The following CPA5 variants were observed in gnomAD, a reference collection of about 807,000 sequenced individuals.
CPA5 encodes testicular tissue protein Li 32.
Under a neutral mutation model 52.2 loss-of-function variants are expected in CPA5, and 38 were observed. The ratio of observed to expected loss-of-function variants is 0.73; its 90% CI spans 0.56 to 0.95. CPA5 has a LOEUF of 0.95. Ranked by LOEUF, CPA5 falls within the 40% of genes least tolerant of loss-of-function variation. CPA5 has a pLI of 0.00. For synonymous variants in CPA5, 198 were observed against 213.7 expected, an observed-to-expected ratio of 0.93 and a Z score of 0.64; for missense variants, 519 against 566.7, an observed-to-expected ratio of 0.92 and a Z score of 0.86.
At chr7:130,354,072 C>G (rs78221188) in intron 5 of CPA5, among the ~76,000 whole-genome samples, 2 of 151,516 alleles carry the variant, frequency 1.3e-5, no homozygotes, top group Non-Finnish European at 2.9e-5. Context: ...GGACTACAGG[C>G]CCATGTCACC....
intron 10 of CPA5, among the ~76,000 whole-genome samples, chr7:130,365,809 C>T (rs1796048907): frequency 6.6e-6 from 1 of 152,250 alleles, no homozygotes; most frequent in South Asian, 2.1e-4. Flanking sequence ...CTTCAACCTC[C>T]CCCCGCTCTG....
At chr7:130,360,742 C>A (rs1449764222) in intron 6 of CPA5, among the ~76,000 whole-genome samples, 1 of 152,080 alleles carries the variant, frequency 6.6e-6, no homozygotes, top group Admixed American at 6.5e-5. Context: ...CTAAAAGGAG[C>A]GAGAAGATAA....
intron 5 of CPA5, among the ~76,000 whole-genome samples, chr7:130,350,380 G>C (rs1359446919): frequency 8.5e-5 from 13 of 152,166 alleles, no homozygotes; most frequent in African/African-American, 3.1e-4. Context: ...CTAATAAACA[G>C]CAAAGGTGCG....
Position 130,346,380 on chromosome 7 carries a change from T to G in CPA5, c.-93-13T>G. ...ATGCTGGGTGCCCCAGACAGCCTAA[T>G]GCTCTTTCTCAGGCTGGGCTTTCCA... is the stretch of plus-strand genomic sequence containing the variant. On this transcript the variant is annotated splice_polypyrimidine_tract_variant and intron_variant, in intron 2 of 12. Transcript: ENST00000474905. 1 of 791,458 alleles carries G rather than the reference T, an allele frequency of 1.3e-6. No homozygotes were observed. Among genetic ancestry groups the G allele is most frequent in the Non-Finnish European group, 2.0e-6 (1 of 493,246 alleles). The allele number at this position is 791,458 out of a possible 1,614,324, so 49.0% of individuals were successfully genotyped here.
At chr7:130,370,622 G>A (rs1796286341), downstream of CPA5, among the ~76,000 whole-genome samples, 1 of 152,118 alleles carries the variant, frequency 6.6e-6, no homozygotes, top group Non-Finnish European at 1.5e-5. Flanking sequence ...GCCATACAAG[G>A]CCACAATGGA....
Position 130,368,051 on chromosome 7 carries a change from G to T in CPA5, c.1123+61G>T, listed in dbSNP as rs1796198233. 2.7e-6 allele frequency: 4 copies of T among 1,469,028 alleles called. No homozygotes were observed. The Admixed American group carries it at 6.7e-5, about 25-fold the overall frequency. 91.0% of individuals were successfully genotyped at this position (1,469,028 alleles called of 1,614,324 possible). ...ACATCTACCTGGGGCTGGCTGCAGG[G>T]CAGTGCCAAGGATCTAGCTGTGCTG... On this transcript the variant is annotated intron_variant, in intron 12 of 12. Coordinates refer to ENST00000474905, the MANE Select transcript of CPA5 (RefSeq NM_080385.5).
At position 130,347,637 on chromosome 7, in the gene CPA5, T is replaced by G. The variant is rs118057513; in HGVS notation, c.117-129T>G. The G allele has an allele frequency of 4.3e-3, 2,986 of 697,554 alleles. 54 individuals are homozygous for G. The East Asian group carries it at 0.044, about 10-fold the overall frequency. The allele number at this position is 697,554 out of a possible 1,614,324, so 43.2% of individuals were successfully genotyped here. ...TCAGGGCTCCTTCAGCCTCCACTCA[T>G]GCGGTGCCTCCTGGCCTCCCCGCCT... On this transcript the variant is annotated intron_variant, in intron 3 of 12. Transcript: ENST00000474905.
intron 5 of CPA5, among the ~76,000 whole-genome samples, chr7:130,358,078 C>T (rs1554405675): frequency 6.6e-6 from 1 of 151,862 alleles, no homozygotes; most frequent in Non-Finnish European, 1.5e-5. Context: ...TCACTCTAGC[C>T]TCCAACTCCC....
At chr7:130,364,866 AC>A (rs1461335416) in intron 10 of CPA5, among the ~76,000 whole-genome samples, 1 of 152,148 alleles carries the variant, frequency 6.6e-6, no homozygotes, top group Non-Finnish European at 1.5e-5. Context: ...AGGTCCATGG[AC>A]CCTGGAAATA....
At chr7:130,346,633 C>A (rs376798873) in intron 3 of CPA5, 32 bp downstream of exon 3, 5 of 1,573,114 alleles carry the variant, frequency 3.2e-6, no homozygotes, top group African/African-American at 1.3e-5. Flanking sequence ...GGAGGGAGGA[C>A]TGGCTGGGAG....
chr7:130,372,069 C>G (rs1484525217), downstream of CPA5, among the ~76,000 whole-genome samples: 2 of 152,240 alleles, frequency 1.3e-5, no homozygotes, highest in Admixed American at 6.5e-5. Context: ...CTTCAATATC[C>G]TTCCTCACAA....
intron 10 of CPA5, among the ~76,000 whole-genome samples, chr7:130,365,883 C>A (rs1044623174): frequency 6.6e-6 from 1 of 152,230 alleles, no homozygotes; most frequent in Non-Finnish European, 1.5e-5. Flanking sequence ...GCAGACATAA[C>A]AAACAAGGCC....
chr7:130,360,817 G>A (rs1213599631), intron 6 of CPA5, among the ~76,000 whole-genome samples: 1 of 152,198 alleles, frequency 6.6e-6, no homozygotes, highest in Non-Finnish European at 1.5e-5. Context: ...ATGGAGACAA[G>A]AGAGAATTTC....
At chr7:130,353,927 T>C (rs1673098892) in intron 5 of CPA5, among the ~76,000 whole-genome samples, 1 of 152,220 alleles carries the variant, frequency 6.6e-6, no homozygotes, top group Admixed American at 6.5e-5. Context: ...CATTTTATTG[T>C]ATTTATTTAT....
rs782542792 is a variant in CPA5 at position 130,367,332 on chromosome 7, T to C, written c.839-40T>C. The C allele has an allele frequency of 1.1e-5, 17 of 1,582,122 alleles. No individual in the cohort carries two copies. The South Asian group carries it at 1.9e-4, about 18-fold the overall frequency. On this transcript the variant is annotated intron_variant, in intron 10 of 12. Transcript: ENST00000474905. ...TTGTGAGCACCGTCTGTGTCGCACG[T>C]GGGGATTTGACTCTTTGGGTGGCTT...
intron 7 of CPA5, among the ~76,000 whole-genome samples, chr7:130,361,621 T>C (rs1015751799): frequency 1.1e-4 from 16 of 152,182 alleles, no homozygotes; most frequent in Admixed American, 6.5e-5. Flanking sequence ...CATTTGCTAA[T>C]GAGGTCATCT....
intron 11 of CPA5, 37 bp downstream of exon 11, chr7:130,367,608 C>G (rs782772660): frequency 2.6e-5 from 41 of 1,563,046 alleles, no homozygotes; most frequent in Non-Finnish European, 3.3e-5. Flanking sequence ...GAGAAGAGAC[C>G]GCTTCACAGG....
Position 130,363,401 on chromosome 7 carries a change from T to G in CPA5, c.748-18T>G. ...AATGGGCCCAGTGAATGAGGTCACCTGTCCTGGGCTTTCCCAGAACCGCTT... is the reference window on the plus strand; with the variant it reads ...AATGGGCCCAGTGAATGAGGTCACCGGTCCTGGGCTTTCCCAGAACCGCTT... On this transcript the variant is annotated intron_variant, in intron 9 of 12. Transcript: ENST00000474905. 2.6e-6 allele frequency: 4 copies of G among 1,556,910 alleles called. No homozygotes were observed. Among genetic ancestry groups the G allele is most frequent in the Non-Finnish European group, 3.5e-6 (4 of 1,148,370 alleles).
chr7:130,362,373 G>C, intron 7 of CPA5, 65 bp from the exon 8 acceptor site: 1 of 1,217,172 alleles, frequency 8.2e-7, no homozygotes, highest in South Asian at 1.3e-5. Context: ...CCTCCTTCCA[G>C]GTAGCCCAGA....
Sources: allele counts gnomAD v4.1 joint callset (sites outside exome capture counted in the v4.1 genomes callset), GRCh38; gene constraint gnomAD v4.1.1; transcripts MANE v1.5; gene names NCBI Gene and HGNC (gene_info 2026-07-23, HGNC 2026-07-21).